Variants in MACROD2 observed in about 807,000 individuals in gnomAD.
MACROD2 encodes the protein ADP-ribose glycohydrolase MACROD2.
Under a neutral mutation model 70.4 loss-of-function variants are expected in MACROD2, and 36 were observed. That is an observed-to-expected ratio of 0.51 (90% CI 0.39 to 0.68). The LOEUF is 0.68. Ranked by LOEUF, MACROD2 falls within the 30% of genes least tolerant of loss-of-function variation. MACROD2 has a pLI of 0.00. For synonymous variants in MACROD2, 172 were observed against 178.8 expected (o/e 0.96, Z 0.30); for missense variants, 496 against 538.4 (o/e 0.92, Z 0.78).
At chr20:14,835,373 C>T (rs1394166565) in intron 5 of MACROD2, among the ~76,000 whole-genome samples, 3 of 152,006 alleles carry the variant, frequency 2.0e-5, no homozygotes, top group Admixed American at 6.6e-5. Flanking sequence ...TTTAATATAT[C>T]AGATAGTCAG....
chr20:15,989,988 A>C (rs2066536747), intron 15 of MACROD2, among the ~76,000 whole-genome samples: 1 of 152,192 alleles, frequency 6.6e-6, no homozygotes, highest in Admixed American at 6.5e-5. Flanking sequence ...TTTTGAAGTT[A>C]GTTCTATTAA....
intron 8 of MACROD2, among the ~76,000 whole-genome samples, chr20:15,708,491 A>ATT (rs2050571427): frequency 6.6e-6 from 1 of 152,166 alleles, no homozygotes; most frequent in South Asian, 2.1e-4. Flanking sequence ...CTGGAGAAAC[A>ATT]GCAAGGAAGT....
rs2054664005 is a variant in MACROD2, at chr20:14,127,332, C to T, written c.271+41604C>T. 9.6e-6 allele frequency: 3 copies of T among 313,490 alleles called. 1 individual carries two copies. The highest frequency in any genetic ancestry group is 6.0e-6 in the Non-Finnish European group (1 of 165,572). 19.4% of individuals were successfully genotyped at this position (313,490 alleles called of 1,614,324 possible). A position where few individuals can be genotyped will look rare whatever the true frequency, so the allele number is the denominator to read the frequency against. ...GGAAACTCCATAAGAAAAGTTTGGG[C>T]CATAGTGTGCAGGTAGCTGTCCCTA... On this transcript the variant is annotated intron_variant, in intron 3 of 17. Transcript: ENST00000684519.
At chr20:15,396,371 C>T (rs1351316475) in intron 6 of MACROD2, among the ~76,000 whole-genome samples, 1 of 152,146 alleles carries the variant, frequency 6.6e-6, no homozygotes, top group Non-Finnish European at 1.5e-5. Context: ...CTAAGAGGGG[C>T]TACATAACTT....
chr20:14,615,844 A>T (rs1983447139), intron 4 of MACROD2, among the ~76,000 whole-genome samples: 1 of 152,140 alleles, frequency 6.6e-6, no homozygotes. Flanking sequence ...GAAAGCAGAG[A>T]ACTGCAAAGA....
At chr20:14,359,052 G>A (rs908387594) in intron 3 of MACROD2, among the ~76,000 whole-genome samples, 12 of 152,080 alleles carry the variant, frequency 7.9e-5, no homozygotes, top group African/African-American at 2.9e-4. Flanking sequence ...GCCAGGCATA[G>A]TGGTGCCTGC....
Position 14,574,174 on chromosome 20 carries a change from G to C in MACROD2, c.301+80666G>C, listed in dbSNP as rs116946089. ...GTGAGCAGGAGACATTCCTGAGGCTGTTTTCCCTGTACCAGCTCAGGCTCT... is the reference window on the plus strand; with the variant it reads ...GTGAGCAGGAGACATTCCTGAGGCTCTTTTCCCTGTACCAGCTCAGGCTCT... On this transcript the variant is annotated intron_variant, in intron 4 of 17. Coordinates refer to ENST00000684519, the MANE Select transcript of MACROD2 (RefSeq NM_001351661.2). Among the ~76,000 whole-genome samples the C allele has an allele frequency of 9.9e-3, 1,503 of 152,220 alleles. 13 individuals carry two copies. Among genetic ancestry groups the C allele is most frequent in the Non-Finnish European group, 0.014 (970 of 68,000 alleles).
At chr20:15,983,553 A>T (rs1173914759) in intron 13 of MACROD2, among the ~76,000 whole-genome samples, 1 of 152,160 alleles carries the variant, frequency 6.6e-6, no homozygotes, top group Non-Finnish European at 1.5e-5. Flanking sequence ...CACAAAGTGA[A>T]CTTAGTGTTG....
chr20:15,211,619 C>T (rs151026635), intron 5 of MACROD2, among the ~76,000 whole-genome samples: 4 of 152,166 alleles, frequency 2.6e-5, no homozygotes, highest in African/African-American at 4.8e-5. Flanking sequence ...CTCTGTCTCT[C>T]GTCTCTTACC....
At chr20:14,762,602 T>C (rs204102) in intron 5 of MACROD2, among the ~76,000 whole-genome samples, 102,003 of 151,982 alleles carry the variant, frequency 0.67, 34,678 homozygotes, top group African/African-American at 0.73. Context: ...GGTAATGCTT[T>C]GCCTATGTCA....
chr20:15,430,015 T>G (rs866749916), intron 6 of MACROD2, among the ~76,000 whole-genome samples: 8 of 152,096 alleles, frequency 5.3e-5, no homozygotes, highest in South Asian at 2.1e-4. Flanking sequence ...AATGAGAACA[T>G]GCAGTATTTG....
At chr20:14,448,990 G>T (rs2084215475) in intron 3 of MACROD2, among the ~76,000 whole-genome samples, 1 of 152,038 alleles carries the variant, frequency 6.6e-6, no homozygotes, top group South Asian at 2.1e-4. Flanking sequence ...CTATAATTAA[G>T]TCTACCACTT....
intron 8 of MACROD2, among the ~76,000 whole-genome samples, chr20:15,749,356 A>G (rs1015038949): frequency 6.6e-6 from 1 of 152,064 alleles, no homozygotes; most frequent in African/African-American, 2.4e-5. Flanking sequence ...CACTTTCTTT[A>G]TAGCACTTGT....
intron 3 of MACROD2, among the ~76,000 whole-genome samples, chr20:14,489,177 G>C (rs763658147): frequency 1.3e-5 from 2 of 152,076 alleles, no homozygotes; most frequent in Non-Finnish European, 2.9e-5. Flanking sequence ...TAATTTTCTC[G>C]CTTCGTCAGC....
In MACROD2 at chr20:15,376,227, G is replaced by A. The variant is rs545558283; in HGVS notation, c.541-55178G>A. On this transcript the variant is annotated intron_variant, in intron 6 of 17. Coordinates refer to ENST00000684519, the MANE Select transcript of MACROD2 (RefSeq NM_001351661.2). The stretch of plus-strand genomic sequence containing the variant: ...GGTAATGAATAGAAGATAGAGTTAC[G>A]GAATATTAGATAATTTTATAACTCT... 6.6e-5 allele frequency among the ~76,000 whole-genome samples: 10 copies of A among 152,222 alleles called. No individual in the cohort carries two copies. The South Asian group carries it at 1.0e-3, about 16-fold the overall frequency.
intron 6 of MACROD2, among the ~76,000 whole-genome samples, chr20:15,293,740 G>A (rs1051758747): frequency 6.6e-6 from 1 of 152,152 alleles, no homozygotes; most frequent in Admixed American, 6.5e-5. Context: ...AAACAACATG[G>A]AGGCCAAGAG....
At chr20:15,778,046 A>G (rs2051763197) in intron 8 of MACROD2, among the ~76,000 whole-genome samples, 1 of 152,206 alleles carries the variant, frequency 6.6e-6, no homozygotes, top group Non-Finnish European at 1.5e-5. Flanking sequence ...ATGCACAGAC[A>G]CTGTGCCAAG....
chr20:15,824,688 T>C (rs975977840), intron 8 of MACROD2, among the ~76,000 whole-genome samples: 4 of 152,122 alleles, frequency 2.6e-5, no homozygotes, highest in African/African-American at 9.7e-5. Flanking sequence ...GGGGAACAAA[T>C]ATGCAGCCGA....
rs2054665271 is a variant in MACROD2 at position 14,127,423 on chromosome 20, G to C, written c.271+41695G>C. 4.4e-6 allele frequency: 2 copies of C among 454,748 alleles called. 1 individual carries two copies. The highest frequency in any genetic ancestry group is 9.8e-5 in the South Asian group (2 of 20,444). 28.2% of individuals were successfully genotyped at this position (454,748 alleles called of 1,614,324 possible). A position where few individuals can be genotyped will look rare whatever the true frequency, so the allele number is the denominator to read the frequency against. On this transcript the variant is annotated intron_variant, in intron 3 of 17. Transcript: ENST00000684519. ...GCTTCATGATTTTCTGTTGTCTCTT[G>C]GCAAAAATGGCAAATAATGATGCTG...
Sources: gnomAD v4.1 joint callset for allele counts (sites outside exome capture counted in the v4.1 genomes callset) on GRCh38, gnomAD v4.1.1 for gene constraint, MANE v1.5 for transcripts, NCBI Gene and HGNC (gene_info 2026-07-23, HGNC 2026-07-21) for gene names.